SPG11: variants seen among roughly 807,000 people sequenced by gnomAD.
SPG11 encodes spatacsin.
Under a neutral mutation model 274.0 loss-of-function variants are expected in SPG11, and 222 were observed. The ratio of observed to expected loss-of-function variants is 0.81; its 90% confidence interval spans 0.73 to 0.91. The LOEUF (loss-of-function observed/expected upper bound fraction) is 0.91, where lower values mean the gene tolerates loss of function less well. Ranked by LOEUF, SPG11 falls within the 40% of genes least tolerant of loss-of-function variation. The pLI is 0.00. For synonymous variants in SPG11, 1,144 were observed against 1,039.7 expected, an observed-to-expected ratio of 1.10 and a Z score of -1.93; for missense variants, 3,114 against 2,872.7, an observed-to-expected ratio of 1.08 and a Z score of -1.92.
intron 20 of SPG11, among the ~76,000 whole-genome samples, chr15:44,603,680 C>A (rs1366201462): frequency 6.6e-6 from 1 of 152,088 alleles, no homozygotes; most frequent in Non-Finnish European, 1.5e-5. Flanking sequence ...GTTCCTGAAA[C>A]CCTTGGATAC....
chr15:44,604,759 T>A (rs1366116892), intron 20 of SPG11, among the ~76,000 whole-genome samples: 1 of 151,474 alleles, frequency 6.6e-6, no homozygotes, highest in African/African-American at 2.4e-5. Flanking sequence ...AAACCCCACC[T>A]CTACTAAAAA....
rs554077191 is a variant in SPG11, at chr15:44,596,411, C to T, written c.4162-56G>A. 3.7e-4 allele frequency: 587 copies of T among 1,597,776 alleles called. 9 individuals carry two copies. The South Asian group carries it at 6.2e-3, about 17-fold the overall frequency. On this transcript the variant is annotated intron_variant, in intron 24 of 39. Coordinates refer to ENST00000261866, the MANE Select transcript of SPG11 (RefSeq NM_025137.4). ...ACCCAACTTTCAGTTTCAGCTGGAG[C>T]TGAAAATGTTAGAGAAAAGCATAGA...
intron 28 of SPG11, chr15:44,588,686 A>G (rs751707804): frequency 9.4e-6 from 4 of 423,624 alleles, no homozygotes; most frequent in South Asian, 3.4e-5. Context: ...GTGGGGAAGT[A>G]TATCTAAATA....
rs545896604 is a variant in SPG11, at chr15:44,595,063, C to T, written c.4635+196G>A. 2.6e-5 allele frequency among the ~76,000 whole-genome samples: 4 copies of T among 152,222 alleles called. No homozygotes were observed. The South Asian group carries it at 8.3e-4, about 32-fold the overall frequency. ...AACTCCTGACCTCAAGTGATCCACC[C>T]GCCTCAGCCTCCCAAAGTGCTGGGA... On this transcript the variant is annotated intron_variant, in intron 26 of 39. Coordinates refer to ENST00000261866, the MANE Select transcript of SPG11 (RefSeq NM_025137.4).
intron 11 of SPG11, among the ~76,000 whole-genome samples, chr15:44,624,187 T>C (rs1729819149): frequency 6.6e-6 from 1 of 150,380 alleles, no homozygotes; most frequent in South Asian, 2.1e-4. Context: ...TTATTTGGCC[T>C]TAAAAAAAAA....
chr15:44,657,330 T>G, intron 3 of SPG11, 34 bp from the exon 4 acceptor site: 1 of 1,592,492 alleles, frequency 6.3e-7, no homozygotes. Flanking sequence ...ATGCCAGTTT[T>G]GTAAGTATGC....
intron 19 of SPG11, among the ~76,000 whole-genome samples, chr15:44,606,940 G>A (rs1002791716): frequency 1.3e-5 from 2 of 152,082 alleles, no homozygotes; most frequent in African/African-American, 4.8e-5. Context: ...CAAGACACAG[G>A]GGCATCTGTG....
chr15:44,636,925 C>CAAAA lies in SPG11; in HGVS notation c.1603-3292_1603-3289dup, dbSNP rs370928375. On this transcript the variant is annotated intron_variant, in intron 7 of 39. Coordinates refer to ENST00000261866, the MANE Select transcript of SPG11 (RefSeq NM_025137.4). Reference sequence around the variant, plus strand: ...TGGGCAACAGAGCAAGACTCCATCTCAAAAAAAAAAAAAAAAAAAAAAAAA... The same window carrying CAAAA: ...TGGGCAACAGAGCAAGACTCCATCTCAAAAAAAAAAAAAAAAAAAAAAAAAAAAA... Among the ~76,000 whole-genome samples, 191 of 19,390 alleles carry CAAAA rather than the reference C, an allele frequency of 9.9e-3. 32 individuals are homozygous for CAAAA. The highest frequency in any genetic ancestry group is 0.028 in the Middle Eastern group (1 of 36). 12.7% of individuals were successfully genotyped at this position (19,390 alleles called of 152,430 possible).
At position 44,657,126 on chromosome 15, in the gene SPG11, C is replaced by A. The variant is rs757501528; in HGVS notation, c.838G>T (p.Ala280Ser). 6.2e-7 allele frequency: 1 copy of A among 1,614,094 alleles called. No homozygotes were observed. The highest frequency in any genetic ancestry group is 8.5e-7 in the Non-Finnish European group (1 of 1,180,006). The change falls in exon 4 of 40, where the codon GCA becomes TCA. Residue 280 changes from alanine to serine, a missense_variant. Coordinates refer to ENST00000261866, the MANE Select transcript of SPG11 (RefSeq NM_025137.4). ...VAVIVSSSNS[A>S]VALNLNLYFR... Reference sequence around the variant, plus strand: ...TACAAATTTAAGTTAAGAGCAACTGCGGAGTTGGAGGAGCTGACAATCACT... The same window carrying A: ...TACAAATTTAAGTTAAGAGCAACTGAGGAGTTGGAGGAGCTGACAATCACT...
rs1034768781 is a variant in SPG11, at chr15:44,654,316, C to T, written c.870-2050G>A. 2.6e-5 allele frequency among the ~76,000 whole-genome samples: 4 copies of T among 151,876 alleles called. No homozygotes were observed. The South Asian group carries it at 6.2e-4, about 24-fold the overall frequency. On this transcript the variant is annotated intron_variant, in intron 4 of 39. Coordinates refer to ENST00000261866, the MANE Select transcript of SPG11 (RefSeq NM_025137.4). The stretch of plus-strand genomic sequence containing the variant: ...CTTGAGGTCAGGCGTTCAAGACCAG[C>T]CCGGCCAACATGGCGAAACCGTTTC...
chr15:44,618,693 G>A (rs2083658304), intron 15 of SPG11, among the ~76,000 whole-genome samples: 1 of 151,840 alleles, frequency 6.6e-6, no homozygotes, highest in South Asian at 2.1e-4. Flanking sequence ...GGTGGTGGGT[G>A]CCTGTAGTCC....
chr15:44,643,597 C>A (rs145698023), intron 7 of SPG11, among the ~76,000 whole-genome samples: 1 of 151,962 alleles, frequency 6.6e-6, no homozygotes, highest in Admixed American at 6.6e-5. Context: ...AAGAATAAAT[C>A]TGCACAATCT....
rs1259198192 is a variant in SPG11, at chr15:44,606,018, G to T, written c.3520+7C>A. On this transcript the variant is annotated splice_region_variant and intron_variant, in intron 20 of 39. Coordinates refer to ENST00000261866, the MANE Select transcript of SPG11 (RefSeq NM_025137.4). ...ACATGTCTCAAGAAGTACCCATGAT[G>T]ACTTACCTCCTATAGCTAGTGTGTT... The T allele has an allele frequency of 6.2e-6, 10 of 1,612,444 alleles. No individual in the cohort carries two copies. The highest frequency in any genetic ancestry group is 1.1e-5 in the South Asian group (1 of 91,000).
intron 28 of SPG11, chr15:44,588,739 C>T (rs995977799): frequency 5.4e-5 from 19 of 351,592 alleles, no homozygotes; most frequent in East Asian, 3.6e-4. Flanking sequence ...TTTGATCAAC[C>T]GCGGGTACAT....
Position 44,584,057 on chromosome 15 carries a change from G to A in SPG11, c.5623C>T (p.Gln1875Ter), listed in dbSNP as rs141848292. ...CCAATCAAAAAGTTTAGTGACTCCTGCTCTTTCCAATCCAATCTATTCTCG... is the reference window on the plus strand; with the variant it reads ...CCAATCAAAAAGTTTAGTGACTCCTACTCTTTCCAATCCAATCTATTCTCG... ...TCENRLDWKE[Q>*]ESLNFLIGRL... Residue 1875 changes from glutamine to a stop codon, truncating the protein, a stop_gained, in exon 30 of 40, where the codon CAG (glutamine) becomes TAG (stop). Transcript: ENST00000261866. LOFTEE classifies it high-confidence loss of function. 3.2e-5 allele frequency: 51 copies of A among 1,614,088 alleles called. No individual in the cohort carries two copies. Among genetic ancestry groups the A allele is most frequent in the Non-Finnish European group, 3.9e-5 (46 of 1,180,044 alleles).
chr15:44,633,831 T>C (rs1479539669), intron 7 of SPG11, among the ~76,000 whole-genome samples, 194 bp from the exon 8 acceptor site: 1 of 152,028 alleles, frequency 6.6e-6, no homozygotes, highest in African/African-American at 2.4e-5. Flanking sequence ...CTCTGTAACC[T>C]TTCTTTTCCT....
chr15:44,613,562 T>C (rs2083515972), intron 16 of SPG11, 26 bp from the exon 17 acceptor site: 1 of 1,445,614 alleles, frequency 6.9e-7, no homozygotes, highest in East Asian at 2.3e-5. Context: ...ACAAAAACCT[T>C]CTTTGATTAA....
chr15:44,610,796 A>T, intron 18 of SPG11, 44 bp downstream of exon 18: 1 of 1,567,458 alleles, frequency 6.4e-7, no homozygotes, highest in Non-Finnish European at 8.8e-7. Flanking sequence ...AATTCTGCTA[A>T]ATTTAAAAAT....
rs1204696310 is a variant in SPG11 at position 44,615,366 on chromosome 15, T to C, written c.3035A>G (p.Tyr1012Cys). 2 of 1,613,336 alleles carry C rather than the reference T, an allele frequency of 1.2e-6. No individual in the cohort carries two copies. The highest frequency in any genetic ancestry group is 1.7e-6 in the Non-Finnish European group (2 of 1,179,880). ...QHLLYVYLDCYKLSPENCPFL... is the reference protein window; with the variant it reads ...QHLLYVYLDCCKLSPENCPFL... ...CAAATGCATTCTCAGTACTCACTTG[T>C]AACAGTCAAGGTAGACATAAAGAAG... Residue 1012 changes from tyrosine to cysteine, a missense_variant, in exon 16 of 40, where the codon TAC becomes TGC. Tyr to Cys is a radical substitution (Grantham distance 194, BLOSUM62 -2). Coordinates refer to ENST00000261866, the MANE Select transcript of SPG11 (RefSeq NM_025137.4).
Sources: allele counts gnomAD v4.1 joint callset (sites outside exome capture counted in the v4.1 genomes callset), GRCh38; gene constraint gnomAD v4.1.1; transcripts MANE v1.5; gene names NCBI Gene and HGNC (gene_info 2026-07-23, HGNC 2026-07-21).